Variants in CTDSP2 observed in about 807,000 individuals in gnomAD.
The protein encoded by CTDSP2 is carboxy-terminal domain RNA polymerase II polypeptide A small phosphatase 2.
In CTDSP2, 9 loss-of-function variants were observed where a neutral mutation model predicts 31.6. The observed-to-expected ratio is 0.28, with a 90% CI of 0.17 to 0.50. The LOEUF (loss-of-function observed/expected upper bound fraction) is 0.50, where lower values mean the gene tolerates loss of function less well. Ranked by LOEUF, CTDSP2 falls within the 20% of genes least tolerant of loss-of-function variation. CTDSP2 has a pLI of 0.98. For synonymous variants in CTDSP2, 134 were observed against 134.5 expected (o/e 1.00, Z 0.03); for missense variants, 267 against 348.5 (o/e 0.77, Z 1.86).
chr12:57,831,770 C>T (rs1254603527), intron 1 of CTDSP2, among the ~76,000 whole-genome samples: 3 of 152,150 alleles, frequency 2.0e-5, no homozygotes, highest in African/African-American at 4.8e-5. Context: ...GAATGTACCA[C>T]GAAGAACAAA....
intron 3 of CTDSP2, 82 bp downstream of exon 3, chr12:57,827,470 T>G (rs1434827820): frequency 4.1e-6 from 6 of 1,480,170 alleles, no homozygotes; most frequent in Non-Finnish European, 5.7e-6. Flanking sequence ...CACCAAGGAC[T>G]ATGCACATCA....
At chr12:57,843,082 C>A (rs1208131587) in intron 1 of CTDSP2, among the ~76,000 whole-genome samples, 2 of 152,240 alleles carry the variant, frequency 1.3e-5, no homozygotes, top group East Asian at 3.9e-4. Flanking sequence ...GAGGAAGGGG[C>A]ATCAGGATTC....
intron 1 of CTDSP2, among the ~76,000 whole-genome samples, chr12:57,831,598 G>T (rs548122432): frequency 6.6e-6 from 1 of 152,232 alleles, no homozygotes; most frequent in Non-Finnish European, 1.5e-5. Context: ...CTTGGTCCCA[G>T]TTCTCTTCTC....
chr12:57,844,863 C>G (rs1004023040), intron 1 of CTDSP2, among the ~76,000 whole-genome samples: 5 of 151,972 alleles, frequency 3.3e-5, no homozygotes, highest in African/African-American at 1.2e-4. Flanking sequence ...TATTTAAAGT[C>G]CGGCCAGTGA....
intron 7 of CTDSP2, 69 bp downstream of exon 7, chr12:57,823,835 G>A (rs115876295): frequency 5.8e-5 from 93 of 1,607,798 alleles, no homozygotes; most frequent in Admixed American, 1.7e-5. Context: ...TACTTCTCTG[G>A]TGGAGCCCAC....
chr12:57,827,489 G>A lies in CTDSP2; in HGVS notation c.252+63C>T, dbSNP rs544020228. The A allele has an allele frequency of 1.3e-4, 202 of 1,574,446 alleles. 3 individuals carry two copies. In the South Asian group the frequency reaches 1.8e-3, roughly 14 times the overall value. On this transcript the variant is annotated intron_variant, in intron 3 of 7. Transcript: ENST00000398073. ...AAGGACTATGCACATCACCCTGCCC[G>A]TGGAGCTGGCAGGGATCACAGGATC...
intron 4 of CTDSP2, 29 bp from the exon 5 acceptor site, chr12:57,826,431 G>A: frequency 6.2e-7 from 1 of 1,611,390 alleles, no homozygotes; most frequent in Non-Finnish European, 8.5e-7. Flanking sequence ...AATGCTGTCA[G>A]CATGGTGGCA....
At chr12:57,833,963 G>A (rs949608299) in intron 1 of CTDSP2, among the ~76,000 whole-genome samples, 5 of 152,208 alleles carry the variant, frequency 3.3e-5, no homozygotes, top group Non-Finnish European at 7.3e-5. Context: ...CCACTTTACA[G>A]AAGGGAAACT....
Position 57,823,355 on chromosome 12 carries a change from A to ACAAACACACACTCTCTCACAGT in CTDSP2, c.*225_*246dup. 9.3e-6 allele frequency: 5 copies of ACAAACACACACTCTCTCACAGT among 537,458 alleles called. No individual in the cohort carries two copies. The highest frequency in any genetic ancestry group is 8.3e-5 in the South Asian group (4 of 48,476). 33.3% of individuals were successfully genotyped at this position (537,458 alleles called of 1,614,324 possible). A position where few individuals can be genotyped will look rare whatever the true frequency, so the allele number is the denominator to read the frequency against. On this transcript the variant is annotated 3_prime_UTR_variant, in exon 8 of 8. Transcript: ENST00000398073. ...CCACAGTTCATGGCAAAACACACAC[A>ACAAACACACACTCTCTCACAGT]CAAACACACACTCTCTCACAGTCAA... is the stretch of plus-strand genomic sequence containing the variant.
rs1246039425 is a variant in CTDSP2 at position 57,820,411 on chromosome 12, T to C, written c.*3191A>G. The stretch of plus-strand genomic sequence containing the variant: ...TGAGGACCTGAAGGGGAAAATGGAC[T>C]TACCTTTCTCATATACTTGGCCTGG... On this transcript the variant is annotated 3_prime_UTR_variant, in exon 8 of 8. Coordinates refer to ENST00000398073, the MANE Select transcript of CTDSP2 (RefSeq NM_005730.4). 6.6e-6 allele frequency: 1 copy of C among 152,168 alleles called. No homozygotes were observed. The highest frequency in any genetic ancestry group is 1.5e-5 in the Non-Finnish European group (1 of 68,022). 9.4% of individuals were successfully genotyped at this position (152,168 alleles called of 1,614,324 possible). A position where few individuals can be genotyped will look rare whatever the true frequency, so the allele number is the denominator to read the frequency against.
At chr12:57,831,700 T>C (rs1177060814) in intron 1 of CTDSP2, among the ~76,000 whole-genome samples, 1 of 152,206 alleles carries the variant, frequency 6.6e-6, no homozygotes, top group Non-Finnish European at 1.5e-5. Context: ...GGCAAACTAC[T>C]GTGCAGGAAA....
intron 2 of CTDSP2, among the ~76,000 whole-genome samples, chr12:57,828,573 TAC>T (rs1305047827): frequency 2.0e-5 from 3 of 152,250 alleles, no homozygotes; most frequent in Non-Finnish European, 2.9e-5. Flanking sequence ...GCTATACAAT[TAC>T]ACACTCTGCC....
Position 57,846,663 on chromosome 12 carries a change from C to T in CTDSP2, c.-228G>A, listed in dbSNP as rs575032844. 9.1e-5 allele frequency: 40 copies of T among 441,272 alleles called. No homozygotes were observed. The highest frequency in any genetic ancestry group is 7.9e-4 in the African/African-American group (38 of 47,878). The allele number at this position is 441,272 out of a possible 1,614,324, so 27.3% of individuals were successfully genotyped here. On this transcript the variant is annotated 5_prime_UTR_variant, in exon 1 of 8. Coordinates refer to ENST00000398073, the MANE Select transcript of CTDSP2 (RefSeq NM_005730.4). ...TCCCCCGGGTGCCCCCGGCCCCGAT[C>T]CCCCAGCGGCAGCTCCGGGCTCCTC...
chr12:57,840,047 C>G (rs1397020685), intron 1 of CTDSP2, among the ~76,000 whole-genome samples: 1 of 152,072 alleles, frequency 6.6e-6, no homozygotes, highest in East Asian at 1.9e-4. Context: ...CTTTAACATA[C>G]AGTAAAACGG....
rs1956318395 is a variant in CTDSP2, at chr12:57,846,535, C to G, written c.-100G>C. The G allele has an allele frequency of 1.1e-6, 1 of 937,268 alleles. No homozygotes were observed. The highest frequency in any genetic ancestry group is 1.5e-6 in the Non-Finnish European group (1 of 664,746). 58.1% of individuals were successfully genotyped at this position (937,268 alleles called of 1,614,324 possible). ...CTGGGCGGGGGCCCGCTCCGGCTCCCGAGACTCCGACTTCCACAGCTGTTC... is the reference window on the plus strand; with the variant it reads ...CTGGGCGGGGGCCCGCTCCGGCTCCGGAGACTCCGACTTCCACAGCTGTTC... On this transcript the variant is annotated 5_prime_UTR_variant, in exon 1 of 8. Coordinates refer to ENST00000398073, the MANE Select transcript of CTDSP2 (RefSeq NM_005730.4).
chr12:57,841,882 T>C (rs1176104724), intron 1 of CTDSP2, among the ~76,000 whole-genome samples: 1 of 152,230 alleles, frequency 6.6e-6, no homozygotes, highest in Non-Finnish European at 1.5e-5. Flanking sequence ...GATATCATTA[T>C]TACTACTTTA....
chr12:57,844,016 C>A (rs1956297983), intron 1 of CTDSP2, among the ~76,000 whole-genome samples: 2 of 151,912 alleles, frequency 1.3e-5, no homozygotes, highest in Admixed American at 1.3e-4. Flanking sequence ...ACTGGCGAAA[C>A]CCCTGTCTCT....
chr12:57,824,179 C>G, intron 6 of CTDSP2, 48 bp downstream of exon 6: 1 of 1,608,732 alleles, frequency 6.2e-7, no homozygotes, highest in South Asian at 1.1e-5. Flanking sequence ...GGACCACCCC[C>G]GTGGCCACCA....
At chr12:57,833,213 T>G (rs1280673962) in intron 1 of CTDSP2, among the ~76,000 whole-genome samples, 1 of 152,152 alleles carries the variant, frequency 6.6e-6, no homozygotes, top group Non-Finnish European at 1.5e-5. Context: ...GCTGGGGGCA[T>G]GGAAAGGCCT....
Sources: gnomAD v4.1 joint callset for allele counts (sites outside exome capture counted in the v4.1 genomes callset) on GRCh38, gnomAD v4.1.1 for gene constraint, MANE v1.5 for transcripts, NCBI Gene and HGNC (gene_info 2026-07-23, HGNC 2026-07-21) for gene names.